SH3RF3: variants seen among roughly 807,000 people sequenced by gnomAD.
SH3RF3 encodes the protein SH3 domain containing ring finger 3.
SH3RF3 carries 29 observed loss-of-function variants against 66.3 expected under a neutral mutation model. The observed-to-expected ratio is 0.44, with a 90% CI of 0.33 to 0.60. SH3RF3 has a LOEUF of 0.60. Among genes scored for constraint, SH3RF3 ranks in the 20% least tolerant of loss-of-function variants. SH3RF3 has a pLI of 0.04. For synonymous variants in SH3RF3, 583 were observed against 532.0 expected (o/e 1.10, Z -1.32); for missense variants, 1,194 against 1,190.9 (o/e 1.00, Z -0.04).
At chr2:109,501,480 C>T in intron 9 of SH3RF3, 23 bp from the exon 10 acceptor site, 1 of 770,630 alleles carries the variant, frequency 1.3e-6, no homozygotes, top group Non-Finnish European at 2.4e-6. Context: ...GTGTGGGGCT[C>T]ACCCACTGTG....
chr2:109,263,812 C>T (rs1441200378), intron 1 of SH3RF3, among the ~76,000 whole-genome samples: 1 of 152,098 alleles, frequency 6.6e-6, no homozygotes, highest in African/African-American at 2.4e-5. Flanking sequence ...TAAAAAAATA[C>T]AAAAAATTAG....
At chr2:109,355,067 C>A (rs1682920707) in intron 2 of SH3RF3, among the ~76,000 whole-genome samples, 1 of 152,128 alleles carries the variant, frequency 6.6e-6, no homozygotes, top group South Asian at 2.1e-4. Context: ...ACCCTGAGAC[C>A]ACCTGAATAC....
At chr2:109,501,142 C>A (rs892747350) in intron 9 of SH3RF3, among the ~76,000 whole-genome samples, 1 of 151,844 alleles carries the variant, frequency 6.6e-6, no homozygotes, top group South Asian at 2.1e-4. Flanking sequence ...TTTTCCTGAC[C>A]CTCCCCCGCC....
At chr2:109,317,893 A>G (rs1299168075) in intron 1 of SH3RF3, among the ~76,000 whole-genome samples, 1 of 140,212 alleles carries the variant, frequency 7.1e-6, no homozygotes, top group East Asian at 3.5e-4. Context: ...GGAAAGATGT[A>G]TGTGGCCAGC....
chr2:109,495,937 A>G (rs761116281), intron 9 of SH3RF3, among the ~76,000 whole-genome samples: 63 of 152,192 alleles, frequency 4.1e-4, no homozygotes, highest in Non-Finnish European at 7.3e-4. Flanking sequence ...AATATATGCT[A>G]TTGTGTCCAG....
At chr2:109,176,606 A>T (rs1529573) in intron 1 of SH3RF3, among the ~76,000 whole-genome samples, 1 of 152,068 alleles carries the variant, frequency 6.6e-6, no homozygotes, top group Admixed American at 6.5e-5. Flanking sequence ...GTGTGGTGGC[A>T]CATGCCTGTA....
At chr2:109,413,419 G>C (rs1464014700) in intron 4 of SH3RF3, among the ~76,000 whole-genome samples, 3 of 152,154 alleles carry the variant, frequency 2.0e-5, no homozygotes, top group Non-Finnish European at 4.4e-5. Context: ...AGGCCTGTCT[G>C]GTTATTTTAG....
intron 1 of SH3RF3, among the ~76,000 whole-genome samples, chr2:109,277,136 G>A (rs1233226348): frequency 1.3e-5 from 2 of 152,158 alleles, no homozygotes; most frequent in Non-Finnish European, 2.9e-5. Context: ...AGGGGGCATG[G>A]GGTGGCAGGT....
chr2:109,361,640 A>C (rs182373026), intron 2 of SH3RF3, among the ~76,000 whole-genome samples: 184 of 152,026 alleles, frequency 1.2e-3, no homozygotes, highest in Non-Finnish European at 1.0e-3. Flanking sequence ...TGCCCGGCTA[A>C]TTTTTTTGTA....
At chr2:109,178,060 GCAAA>G (rs1347422213) in intron 1 of SH3RF3, among the ~76,000 whole-genome samples, 1 of 152,072 alleles carries the variant, frequency 6.6e-6, no homozygotes, top group Admixed American at 6.5e-5. Context: ...TAAGGTATAA[GCAAA>G]CAAACAAGTC....
chr2:109,156,375 T>G (rs147656916), intron 1 of SH3RF3, among the ~76,000 whole-genome samples: 323 of 152,310 alleles, frequency 2.1e-3, no homozygotes, highest in Non-Finnish European at 3.3e-3. Flanking sequence ...GAGAAGGAAG[T>G]ATCCACTCGG....
At chr2:109,187,213 A>G (rs1678213488) in intron 1 of SH3RF3, among the ~76,000 whole-genome samples, 1 of 152,236 alleles carries the variant, frequency 6.6e-6, no homozygotes, top group Admixed American at 6.5e-5. Context: ...TTTACTTGTT[A>G]TCTTAGGTTG....
chr2:109,192,857 G>T lies in SH3RF3; in HGVS notation c.573+62744G>T, dbSNP rs755567467. On this transcript the variant is annotated intron_variant, in intron 1 of 9. Coordinates refer to ENST00000309415, the MANE Select transcript of SH3RF3 (RefSeq NM_001099289.3). ...TTCACCATACATTTCTCCTGCACCT[G>T]TTTCTGTGCACTGATTTTATGAATT... 3.1e-4 allele frequency among the ~76,000 whole-genome samples: 47 copies of T among 152,282 alleles called. No homozygotes were observed. In the Middle Eastern group the frequency reaches 0.01, roughly 33 times the overall value.
chr2:109,479,673 T>C (rs2104758452), intron 8 of SH3RF3, among the ~76,000 whole-genome samples: 1 of 152,254 alleles, frequency 6.6e-6, no homozygotes, highest in Admixed American at 6.5e-5. Flanking sequence ...TTTTGTCTCC[T>C]CATTTTTAAA....
intron 1 of SH3RF3, among the ~76,000 whole-genome samples, chr2:109,250,116 A>G (rs1220307415): frequency 1.4e-5 from 2 of 146,764 alleles, no homozygotes; most frequent in Non-Finnish European, 3.0e-5. Flanking sequence ...GTCTAATTAG[A>G]ATTCTTGTTT....
At chr2:109,208,731 A>G (rs1467122880) in intron 1 of SH3RF3, among the ~76,000 whole-genome samples, 1 of 152,236 alleles carries the variant, frequency 6.6e-6, no homozygotes, top group Non-Finnish European at 1.5e-5. Flanking sequence ...GGAATATGCC[A>G]GTGTCTAATT....
intron 4 of SH3RF3, among the ~76,000 whole-genome samples, chr2:109,402,388 G>A (rs1381663960): frequency 6.6e-6 from 1 of 152,248 alleles, no homozygotes; most frequent in African/African-American, 2.4e-5. Flanking sequence ...TGGTCAGTGG[G>A]TGGCACTTCG....
chr2:109,217,646 G>T (rs1679130873), intron 1 of SH3RF3, among the ~76,000 whole-genome samples: 1 of 152,216 alleles, frequency 6.6e-6, no homozygotes, highest in African/African-American at 2.4e-5. Flanking sequence ...GCCAGTGATG[G>T]GAATGAGATG....
intron 1 of SH3RF3, among the ~76,000 whole-genome samples, chr2:109,217,210 A>G (rs190247883): frequency 1.9e-4 from 29 of 152,320 alleles, no homozygotes; most frequent in South Asian, 1.2e-3. Context: ...TCTGTAGACA[A>G]TATTCTGGGA....
Sources: allele counts gnomAD v4.1 joint callset (sites outside exome capture counted in the v4.1 genomes callset), GRCh38; gene constraint gnomAD v4.1.1; transcripts MANE v1.5; gene names NCBI Gene and HGNC (gene_info 2026-07-23, HGNC 2026-07-21).